Variants in LCLAT1 observed in about 807,000 individuals in gnomAD.
LCLAT1 encodes the protein 1-AGP acyltransferase 8.
Under a neutral mutation model 30.7 loss-of-function variants are expected in LCLAT1, and 11 were observed. That is an observed-to-expected ratio of 0.36 (90% CI 0.23 to 0.59). LCLAT1 has a LOEUF of 0.59. LCLAT1 is among the 20% of genes least tolerant of loss of function. The pLI is 0.77. For missense variants in LCLAT1, 402 were observed against 458.6 expected (o/e 0.88, Z 1.13); for synonymous variants, 155 against 151.3 (o/e 1.02, Z -0.18).
chr2:30,619,400 G>C (rs1464713882), intron 5 of LCLAT1, among the ~76,000 whole-genome samples: 14 of 152,076 alleles, frequency 9.2e-5, no homozygotes, highest in African/African-American at 3.4e-4. Flanking sequence ...GCTCACCCTG[G>C]CATTAGTCAG....
intron 3 of LCLAT1, among the ~76,000 whole-genome samples, chr2:30,560,846 A>G (rs965591257): frequency 3.3e-5 from 5 of 152,210 alleles, no homozygotes; most frequent in African/African-American, 4.8e-5. Flanking sequence ...CAAGAGGTGG[A>G]TCCGTAGACT....
At position 30,640,722 on chromosome 2, in the gene LCLAT1, T is replaced by G; in HGVS notation, c.*103T>G. 7.7e-7 allele frequency: 1 copy of G among 1,303,622 alleles called. No homozygotes were observed. Among genetic ancestry groups the G allele is most frequent in the Non-Finnish European group, 1.0e-6 (1 of 955,806 alleles). 80.8% of individuals were successfully genotyped at this position (1,303,622 alleles called of 1,614,324 possible). The stretch of plus-strand genomic sequence containing the variant: ...TTGCATGACTATGTCGAATATTTCT[T>G]ACTGCCATCATTATTTGTTAAAGAT... On this transcript the variant is annotated 3_prime_UTR_variant, in exon 6 of 6. Transcript: ENST00000379509.
chr2:30,568,864 C>A (rs1190109691), intron 5 of LCLAT1, among the ~76,000 whole-genome samples: 209 of 89,010 alleles, frequency 2.3e-3, no homozygotes, highest in South Asian at 5.8e-3. Context: ...TCATGAATAG[C>A]AAAAAAAAAA....
chr2:30,603,674 CAT>C (rs1428934533), intron 5 of LCLAT1, among the ~76,000 whole-genome samples: 9 of 152,040 alleles, frequency 5.9e-5, no homozygotes, highest in Non-Finnish European at 1.3e-4. Context: ...AGGAAAACAA[CAT>C]ATGAATAGAA....
intron 4 of LCLAT1, among the ~76,000 whole-genome samples, chr2:30,565,066 T>C (rs140956980): frequency 1.2e-3 from 177 of 152,260 alleles, no homozygotes; most frequent in African/African-American, 4.0e-3. Context: ...TATGTCTTCG[T>C]TATTCTTGGG....
At position 30,555,757 on chromosome 2, in the gene LCLAT1, G is replaced by A. The variant is rs72798163; in HGVS notation, c.365-6389G>A. ...GGAAGGGTGAAAAAATTTTAAGGGC[G>A]AATTCTAAAAGAAGAAAATGGGGTA... On this transcript the variant is annotated intron_variant, in intron 3 of 5. Transcript: ENST00000379509. Among the ~76,000 whole-genome samples the A allele has an allele frequency of 6.1e-3, 926 of 151,472 alleles. 3 individuals are homozygous for A. The highest frequency in any genetic ancestry group is 0.011 in the Non-Finnish European group (741 of 67,870).
intron 2 of LCLAT1, among the ~76,000 whole-genome samples, chr2:30,530,595 G>T (rs2148392528): frequency 6.6e-6 from 1 of 152,316 alleles, no homozygotes. Flanking sequence ...TGCCCAGCTG[G>T]AGTGTAGTGG....
chr2:30,611,027 A>G (rs1233108666), intron 5 of LCLAT1, among the ~76,000 whole-genome samples: 1 of 147,652 alleles, frequency 6.8e-6, no homozygotes, highest in Non-Finnish European at 1.5e-5. Flanking sequence ...CTTTCCCCCA[A>G]TATTCCTCCC....
chr2:30,608,939 G>A (rs772267016), intron 5 of LCLAT1, among the ~76,000 whole-genome samples: 2 of 152,016 alleles, frequency 1.3e-5, no homozygotes, highest in Non-Finnish European at 1.5e-5. Flanking sequence ...CAATGCACAA[G>A]GGTGCCTGTT....
At chr2:30,533,000 G>T (rs1686053431) in intron 2 of LCLAT1, 116 bp from the exon 3 acceptor site, 1 of 735,454 alleles carries the variant, frequency 1.4e-6, no homozygotes, top group Non-Finnish European at 2.3e-6. Context: ...CAAGGATCAT[G>T]GGAAATACTA....
rs576795642 is a variant in LCLAT1 at position 30,538,635 on chromosome 2, CA to C, written c.364+5330del. Among the ~76,000 whole-genome samples, 289 of 142,492 alleles carry C rather than the reference CA, an allele frequency of 2.0e-3. 4 individuals carry two copies. The Middle Eastern group carries it at 0.04, about 20-fold the overall frequency. The allele number at this position is 142,492 out of a possible 152,430, so 93.5% of individuals were successfully genotyped here. On this transcript the variant is annotated intron_variant, in intron 3 of 5. Transcript: ENST00000379509. Reference sequence around the variant, plus strand: ...GGGGTGACAGAGCCAGACTCCATCTCAAAAAAAAATAAAAAATAAAAAAATT... The same window carrying C: ...GGGGTGACAGAGCCAGACTCCATCTCAAAAAAAATAAAAAATAAAAAAATT...
chr2:30,551,799 A>G (rs1386571929), intron 3 of LCLAT1, among the ~76,000 whole-genome samples: 4 of 152,180 alleles, frequency 2.6e-5, no homozygotes, highest in Non-Finnish European at 4.4e-5. Context: ...GTACTAAGTC[A>G]TCTTGTGCCT....
chr2:30,612,524 CATT>C (rs372212664), intron 5 of LCLAT1, among the ~76,000 whole-genome samples: 6 of 152,264 alleles, frequency 3.9e-5, no homozygotes, highest in African/African-American at 9.6e-5. Context: ...TCCTCTGAAA[CATT>C]ATTATCTCAG....
intron 1 of LCLAT1, among the ~76,000 whole-genome samples, chr2:30,503,512 G>A (rs932533032): frequency 6.6e-6 from 1 of 152,116 alleles, no homozygotes; most frequent in Non-Finnish European, 1.5e-5. Context: ...GTATACTAGA[G>A]TTACCCTAAT....
At chr2:30,513,926 G>A (rs1448924867) in intron 1 of LCLAT1, among the ~76,000 whole-genome samples, 1 of 152,162 alleles carries the variant, frequency 6.6e-6, no homozygotes, top group Non-Finnish European at 1.5e-5. Flanking sequence ...CCAAACTGTG[G>A]TCTGACCACC....
At chr2:30,584,440 A>G (rs1426319228) in intron 5 of LCLAT1, among the ~76,000 whole-genome samples, 1 of 152,200 alleles carries the variant, frequency 6.6e-6, no homozygotes, top group Non-Finnish European at 1.5e-5. Context: ...GTTGACTTTA[A>G]TGAATTCATT....
chr2:30,512,498 T>C (rs1489255139), intron 1 of LCLAT1, among the ~76,000 whole-genome samples: 1 of 152,078 alleles, frequency 6.6e-6, no homozygotes, highest in Non-Finnish European at 1.5e-5. Context: ...GATAAAAGGG[T>C]GGATGGAGAT....
chr2:30,552,624 G>A, intron 3 of LCLAT1: 1 of 397,278 alleles, frequency 2.5e-6, no homozygotes, highest in Admixed American at 2.8e-5. Flanking sequence ...GAAGAGGGAT[G>A]TGGAGAGCAT....
At chr2:30,496,458 G>A (rs1443708634) in intron 1 of LCLAT1, among the ~76,000 whole-genome samples, 2 of 152,146 alleles carry the variant, frequency 1.3e-5, no homozygotes, top group African/African-American at 4.8e-5. Flanking sequence ...TGGACATGTG[G>A]ATATGTGTGT....
Sources: allele counts gnomAD v4.1 joint callset (sites outside exome capture counted in the v4.1 genomes callset), GRCh38; gene constraint gnomAD v4.1.1; transcripts MANE v1.5; gene names NCBI Gene and HGNC (gene_info 2026-07-23, HGNC 2026-07-21).